MROH7: variants seen among roughly 807,000 people sequenced by gnomAD.
MROH7 encodes maestro heat-like repeat-containing protein family member 7.
MROH7 carries 113 observed loss-of-function variants against 129.2 expected under a neutral mutation model. The observed-to-expected ratio is 0.87, with a 90% CI of 0.75 to 1.02. MROH7 has a LOEUF of 1.02. Ranked by LOEUF, MROH7 falls within the 50% of genes least tolerant of loss-of-function variation. The pLI is 0.00. For missense variants in MROH7, 1,601 were observed against 1,671.3 expected, an observed-to-expected ratio of 0.96 and a Z score of 0.73; for synonymous variants, 655 against 667.9, an observed-to-expected ratio of 0.98 and a Z score of 0.30.
chr1:54,689,699 T>G (rs1448550615), intron 15 of MROH7, among the ~76,000 whole-genome samples: 8 of 152,210 alleles, frequency 5.3e-5, no homozygotes, highest in Admixed American at 5.2e-4. Flanking sequence ...GGTGAAACTT[T>G]CAGCAGCCCT....
Position 54,674,561 on chromosome 1 carries a change from C to A in MROH7, c.1936+410C>A, listed in dbSNP as rs74071885. ...ACCCCTGTATTCCCAAGGGCCATCT[C>A]TGGGCTTGGCACATGGTGGGTGCTC... On this transcript the variant is annotated intron_variant, in intron 10 of 23. Transcript: ENST00000421030. Among the ~76,000 whole-genome samples, 944 of 152,224 alleles carry A rather than the reference C, an allele frequency of 6.2e-3. 3 individuals carry two copies. The highest frequency in any genetic ancestry group is 0.021 in the African/African-American group (888 of 41,526).
At chr1:54,671,958 G>A (rs1442185052) in intron 7 of MROH7, among the ~76,000 whole-genome samples, 1 of 152,124 alleles carries the variant, frequency 6.6e-6, no homozygotes, top group African/African-American at 2.4e-5. Context: ...ATGGGGGTCA[G>A]GGGTTGTGAT....
At chr1:54,659,282 A>G (rs1019291613) in intron 3 of MROH7, 12 of 168,986 alleles carry the variant, frequency 7.1e-5, no homozygotes, top group Admixed American at 5.2e-4. Context: ...TTTAATTTTT[A>G]TTTATTTATT....
chr1:54,680,114 GACCCCCTT>G, intron 13 of MROH7, 69 bp downstream of exon 13: 1 of 1,510,522 alleles, frequency 6.6e-7, no homozygotes, highest in Non-Finnish European at 9.1e-7. Context: ...CCAGGTTGGG[GACCCCCTT>G]CTGCCCAGAT....
intron 3 of MROH7, 143 bp downstream of exon 3, chr1:54,654,300 C>G: frequency 1.2e-6 from 1 of 860,252 alleles, no homozygotes; most frequent in Non-Finnish European, 1.7e-6. Flanking sequence ...TACTAGACAT[C>G]TAATAATCGG....
chr1:54,697,830 G>T, intron 17 of MROH7: 1 of 552,846 alleles, frequency 1.8e-6, no homozygotes, highest in Non-Finnish European at 3.3e-6. Flanking sequence ...TACCACATGG[G>T]TTCTTGCAGG....
Position 54,679,342 on chromosome 1 carries a change from AG to A in MROH7, c.2131del (p.Ala711LeufsTer9), listed in dbSNP as rs1394317866. The part of the protein sequence containing the change: ...AALEGLKGSS[E>X]APGKDSREMM... ...CTGGAAGGGCTGAAAGGCAGCTCAG[AG>A]GCTCCAGGGAAGGACTCCAGGGAGA... On this transcript the variant is annotated frameshift_variant, in exon 12 of 24. Coordinates refer to ENST00000421030, the MANE Select transcript of MROH7 (RefSeq NM_001039464.4). LOFTEE classifies it high-confidence loss of function. 1.2e-6 allele frequency: 2 copies of A among 1,614,140 alleles called. No homozygotes were observed. The highest frequency in any genetic ancestry group is 3.3e-5 in the Admixed American group (2 of 60,030).
intron 15 of MROH7, among the ~76,000 whole-genome samples, chr1:54,690,343 T>G (rs934104374): frequency 6.6e-6 from 1 of 151,992 alleles, no homozygotes; most frequent in Non-Finnish European, 1.5e-5. Context: ...CCAGGCTCAC[T>G]TTTGTGAAAA....
chr1:54,681,273 C>G (rs1645065500), intron 13 of MROH7, among the ~76,000 whole-genome samples: 1 of 152,160 alleles, frequency 6.6e-6, no homozygotes, highest in African/African-American at 2.4e-5. Flanking sequence ...GGTGAAAGTT[C>G]AGGTGTGACG....
chr1:54,659,876 C>A (rs1448314970), intron 3 of MROH7, among the ~76,000 whole-genome samples: 3 of 152,144 alleles, frequency 2.0e-5, no homozygotes, highest in Non-Finnish European at 4.4e-5. Flanking sequence ...TATGGATATA[C>A]CACAGTTTGT....
At chr1:54,650,398 G>C (rs1644535693) in intron 1 of MROH7, among the ~76,000 whole-genome samples, 1 of 152,146 alleles carries the variant, frequency 6.6e-6, no homozygotes, top group South Asian at 2.1e-4. Flanking sequence ...GAATGAGTTA[G>C]CACATGAATG....
At chr1:54,658,769 C>A (rs1433533671) in intron 3 of MROH7, among the ~76,000 whole-genome samples, 6 of 152,028 alleles carry the variant, frequency 3.9e-5, no homozygotes, top group Non-Finnish European at 8.8e-5. Flanking sequence ...TTGGGAAATT[C>A]TTTGGTGTGT....
At chr1:54,645,002 G>T (rs1388694294) in intron 1 of MROH7, among the ~76,000 whole-genome samples, 1 of 151,320 alleles carries the variant, frequency 6.6e-6, no homozygotes, top group Non-Finnish European at 1.5e-5. Flanking sequence ...TAGAGACGGG[G>T]TTTCACCATG....
chr1:54,653,489 T>G lies in MROH7; in HGVS notation c.563T>G (p.Val188Gly). 1.9e-6 allele frequency: 3 copies of G among 1,614,182 alleles called. No individual in the cohort carries two copies. In the South Asian group the frequency reaches 3.3e-5, roughly 18 times the overall value. The change falls in exon 3 of 24, where the codon GTT becomes GGT. Residue 188 changes from valine to glycine, a missense_variant. Val to Gly is a moderately radical substitution (Grantham distance 109, BLOSUM62 -3). Transcript: ENST00000421030. ...AGGCACCATTCCAGAGAAGGTCTGGTTCTGGGCCACTGCATCTCTAGGCCA... is the reference window on the plus strand; with the variant it reads ...AGGCACCATTCCAGAGAAGGTCTGGGTCTGGGCCACTGCATCTCTAGGCCA... ...FIRHHSREGL[V>G]LGHCISRPSS...
chr1:54,689,236 G>A (rs191394398), intron 15 of MROH7, among the ~76,000 whole-genome samples: 43 of 152,286 alleles, frequency 2.8e-4, no homozygotes, highest in African/African-American at 1.0e-3. Flanking sequence ...CAGGGGAGAA[G>A]GCTGATGAAG....
At chr1:54,659,339 A>T (rs1415822811) in intron 3 of MROH7, 2 of 180,962 alleles carry the variant, frequency 1.1e-5, no homozygotes, top group African/African-American at 4.8e-5. Context: ...CTGGAGTGTA[A>T]TGGCACAATC....
intron 10 of MROH7, among the ~76,000 whole-genome samples, chr1:54,676,397 C>G (rs1161819553): frequency 6.6e-6 from 1 of 151,584 alleles, no homozygotes; most frequent in Non-Finnish European, 1.5e-5. Context: ...GCCACCATGC[C>G]CAGCTTATTT....
In MROH7 at chr1:54,686,449, G is replaced by T. The variant is rs1557716938; in HGVS notation, c.2711+1G>T. On this transcript the variant is annotated splice_donor_variant, in intron 15 of 23. Coordinates refer to ENST00000421030, the MANE Select transcript of MROH7 (RefSeq NM_001039464.4). LOFTEE classifies it high-confidence loss of function. Reference sequence around the variant, plus strand: ...AGCCCTCTCCCTTCGTACCTGTGCGGTATGCTCTGCCCTCTCTCTTGACCC... The same window carrying T: ...AGCCCTCTCCCTTCGTACCTGTGCGTTATGCTCTGCCCTCTCTCTTGACCC... The T allele has an allele frequency of 6.2e-7, 1 of 1,613,510 alleles. No homozygotes were observed. Among genetic ancestry groups the T allele is most frequent in the African/African-American group, 1.3e-5 (1 of 75,022 alleles).
chr1:54,654,138 C>T lies in MROH7; in HGVS notation c.1212C>T (p.Thr404=), dbSNP rs757806062. The part of the protein sequence containing the change: ...ISNPAGKDAV[T]LQGIPEGAFD... The stretch of plus-strand genomic sequence containing the variant: ...ACCCCGCAGGCAAGGACGCCGTGAC[C>T]TTGCAAGGCATCCCTGAGGGTAAGG... The change falls in exon 3 of 24, where the codon ACC becomes ACT. Residue 404 remains threonine, a synonymous_variant. Coordinates refer to ENST00000421030, the MANE Select transcript of MROH7 (RefSeq NM_001039464.4). 7 of 1,610,924 alleles carry T rather than the reference C, an allele frequency of 4.3e-6. No homozygotes were observed. Among genetic ancestry groups the T allele is most frequent in the East Asian group, 2.2e-5 (1 of 44,752 alleles).
Sources: allele counts gnomAD v4.1 joint callset (sites outside exome capture counted in the v4.1 genomes callset), GRCh38; gene constraint gnomAD v4.1.1; transcripts MANE v1.5; gene names NCBI Gene and HGNC (gene_info 2026-07-23, HGNC 2026-07-21).